Variants in RFX3 observed in about 807,000 individuals in gnomAD.
RFX3 encodes regulatory factor X3.
A neutral mutation model predicts 98.6 loss-of-function variants in RFX3; 14 were observed. The ratio of observed to expected loss-of-function variants is 0.14; its 90% confidence interval spans 0.09 to 0.22. The LOEUF (loss-of-function observed/expected upper bound fraction) is 0.22, where lower values mean the gene tolerates loss of function less well. Among genes scored for constraint, RFX3 ranks in the 10% least tolerant of loss-of-function variants. The probability of loss-of-function intolerance (pLI) is 1.00; values close to 1 mark genes in which losing one functional copy is unlikely to be tolerated. For synonymous variants in RFX3, 383 were observed against 328.4 expected, an observed-to-expected ratio of 1.17 and a Z score of -1.80; for missense variants, 639 against 926.9, an observed-to-expected ratio of 0.69 and a Z score of 4.03.
intron 1 of RFX3, among the ~76,000 whole-genome samples, chr9:3,415,079 T>C: frequency 9.9e-6 from 1 of 101,154 alleles, no homozygotes; most frequent in East Asian, 2.5e-4. Context: ...AGTATATATA[T>C]ATTCTTATAT....
At chr9:3,392,830 T>G (rs1257608355) in intron 2 of RFX3, among the ~76,000 whole-genome samples, 1 of 152,076 alleles carries the variant, frequency 6.6e-6, no homozygotes, top group African/African-American at 2.4e-5. Flanking sequence ...TCATTAAATC[T>G]AAGAAAAATA....
chr9:3,460,652 G>A (rs866188131), intron 1 of RFX3, among the ~76,000 whole-genome samples: 1 of 151,898 alleles, frequency 6.6e-6, no homozygotes, highest in African/African-American at 2.4e-5. Flanking sequence ...TTTAAATGAA[G>A]CAGGATTTCA....
chr9:3,229,061 T>G (rs1818141539), intron 15 of RFX3, among the ~76,000 whole-genome samples, 172 bp from the exon 16 acceptor site: 2 of 152,228 alleles, frequency 1.3e-5, no homozygotes, highest in South Asian at 4.1e-4. Flanking sequence ...TTGTCAAATT[T>G]GAACAGTTTA....
chr9:3,365,545 A>C (rs1232953258), intron 2 of RFX3, among the ~76,000 whole-genome samples: 1 of 149,236 alleles, frequency 6.7e-6, no homozygotes, highest in Non-Finnish European at 1.5e-5. Context: ...TGAAGAAAAG[A>C]AAAAGAGTAG....
chr9:3,378,492 T>A lies in RFX3; in HGVS notation c.117+16980A>T, dbSNP rs143256522. 6.7e-3 allele frequency among the ~76,000 whole-genome samples: 1,018 copies of A among 152,056 alleles called. 13 individuals carry two copies. Among genetic ancestry groups the A allele is most frequent in the Admixed American group, 8.5e-3 (129 of 15,266 alleles). On this transcript the variant is annotated intron_variant, in intron 2 of 16. Transcript: ENST00000617270. ...TTCTATATCTTGGCTATATCTCCTA[T>A]TTTTAAGTAAAAATAAATAGAAATA...
intron 7 of RFX3, among the ~76,000 whole-genome samples, chr9:3,284,750 G>C (rs942118533): frequency 2.0e-5 from 3 of 151,716 alleles, no homozygotes; most frequent in African/African-American, 7.3e-5. Context: ...GTTCATGACT[G>C]CCTGTGAATC....
At chr9:3,319,564 C>G (rs1831018407) in intron 4 of RFX3, among the ~76,000 whole-genome samples, 1 of 152,008 alleles carries the variant, frequency 6.6e-6, no homozygotes, top group African/African-American at 2.4e-5. Context: ...CTTGTATAAG[C>G]AATATTATCA....
intron 1 of RFX3, among the ~76,000 whole-genome samples, chr9:3,400,676 G>A (rs986609534): frequency 6.6e-6 from 1 of 152,132 alleles, no homozygotes; most frequent in African/African-American, 2.4e-5. Context: ...ACATTAGAGG[G>A]TATCAATCAT....
chr9:3,425,017 C>G (rs1322039872), intron 1 of RFX3, among the ~76,000 whole-genome samples: 1 of 152,074 alleles, frequency 6.6e-6, no homozygotes, highest in Non-Finnish European at 1.5e-5. Context: ...ATCACTTGAG[C>G]TCAGGAGTTC....
At chr9:3,337,927 C>A (rs375194654) in intron 3 of RFX3, among the ~76,000 whole-genome samples, 7 of 152,144 alleles carry the variant, frequency 4.6e-5, no homozygotes, top group African/African-American at 1.4e-4. Flanking sequence ...TTGGAATCTT[C>A]AACAAAGTGC....
intron 13 of RFX3, among the ~76,000 whole-genome samples, chr9:3,257,935 T>A (rs1203340294): frequency 1.3e-5 from 2 of 152,192 alleles, no homozygotes; most frequent in Non-Finnish European, 2.9e-5. Flanking sequence ...GTAACAGCAA[T>A]GAAAATAGGA....
intron 1 of RFX3, among the ~76,000 whole-genome samples, chr9:3,505,222 TTATA>T (rs1306286411): frequency 5.4e-5 from 3 of 55,576 alleles, no homozygotes; most frequent in African/African-American, 3.1e-4. Context: ...GAATATATAT[TTATA>T]TATGAATATA....
chr9:3,311,749 G>GGT (rs141116094), intron 4 of RFX3, among the ~76,000 whole-genome samples: 36,822 of 151,718 alleles, frequency 0.24, 6,622 homozygotes, highest in African/African-American at 0.51. Context: ...AGCTGGGTGT[G>GGT]GGTGGGCGCC....
intron 1 of RFX3, among the ~76,000 whole-genome samples, chr9:3,485,922 C>T (rs985732785): frequency 2.6e-5 from 4 of 151,826 alleles, no homozygotes; most frequent in Admixed American, 6.6e-5. Context: ...GTCGGGAGTT[C>T]GAGACCAGCC....
intron 1 of RFX3, among the ~76,000 whole-genome samples, chr9:3,471,832 T>C (rs1425761375): frequency 6.6e-6 from 1 of 152,246 alleles, no homozygotes; most frequent in Non-Finnish European, 1.5e-5. Context: ...TAGAATTCTG[T>C]CTTCACTTCT....
chr9:3,473,995 C>T (rs1356372898), intron 1 of RFX3, among the ~76,000 whole-genome samples: 1 of 152,140 alleles, frequency 6.6e-6, no homozygotes, highest in Non-Finnish European at 1.5e-5. Flanking sequence ...CTGAGCCCCA[C>T]CTTCCATAGT....
At chr9:3,471,018 G>C (rs904492094) in intron 1 of RFX3, among the ~76,000 whole-genome samples, 1 of 152,074 alleles carries the variant, frequency 6.6e-6, no homozygotes, top group African/African-American at 2.4e-5. Flanking sequence ...TTTAAATATA[G>C]TATCTACATT....
chr9:3,377,688 T>C (rs1290464506), intron 2 of RFX3, among the ~76,000 whole-genome samples: 1 of 152,152 alleles, frequency 6.6e-6, no homozygotes, highest in Non-Finnish European at 1.5e-5. Context: ...AGCAGACCAG[T>C]ATTTTCCTAG....
intron 1 of RFX3, among the ~76,000 whole-genome samples, chr9:3,481,332 C>T (rs1444495840): frequency 2.0e-5 from 3 of 152,032 alleles, no homozygotes; most frequent in African/African-American, 4.8e-5. Flanking sequence ...TTTAATGCAA[C>T]GTTGTTCAAA....
Sources: allele counts gnomAD v4.1 joint callset (sites outside exome capture counted in the v4.1 genomes callset), GRCh38; gene constraint gnomAD v4.1.1; transcripts MANE v1.5; gene names NCBI Gene and HGNC (gene_info 2026-07-23, HGNC 2026-07-21).